The following CAMK2B variants were observed in gnomAD, a reference collection of about 807,000 sequenced individuals.
CAMK2B encodes the protein calcium/calmodulin dependent protein kinase II beta.
In CAMK2B, 27 loss-of-function variants were observed where a neutral mutation model predicts 93.7. The ratio of observed to expected loss-of-function variants is 0.29; its 90% confidence interval spans 0.21 to 0.40. The LOEUF (loss-of-function observed/expected upper bound fraction) is 0.40, where lower values mean the gene tolerates loss of function less well. Among genes scored for constraint, CAMK2B ranks in the 10% least tolerant of loss-of-function variants. The pLI is 1.00. For missense variants in CAMK2B, 568 were observed against 895.8 expected (o/e 0.63, Z 4.67); for synonymous variants, 374 against 358.8 (o/e 1.04, Z -0.48).
rs2096553979 is a variant in CAMK2B, at chr7:44,229,242, C to G, written c.1339+146G>C. The G allele has an allele frequency of 1.4e-5, 9 of 635,778 alleles. No homozygotes were observed. In the South Asian group the frequency reaches 1.8e-4, roughly 13 times the overall value. The allele number at this position is 635,778 out of a possible 1,614,324, so 39.4% of individuals were successfully genotyped here. On this transcript the variant is annotated intron_variant, in intron 18 of 23. Coordinates refer to ENST00000395749, the MANE Select transcript of CAMK2B (RefSeq NM_001220.5). ...TGGGGCTCGATGGGCTGGGGCCACC[C>G]TGGAAAGCCCCAGTGAGGGATTGTG...
chr7:44,318,234 C>T (rs1479346142), intron 1 of CAMK2B, among the ~76,000 whole-genome samples: 5 of 152,258 alleles, frequency 3.3e-5, no homozygotes, highest in Non-Finnish European at 7.3e-5. Flanking sequence ...CTCTTGGAGT[C>T]AAGCTCCATG....
intron 1 of CAMK2B, among the ~76,000 whole-genome samples, chr7:44,321,469 C>T (rs1406042668): frequency 6.6e-6 from 1 of 152,162 alleles, no homozygotes; most frequent in Admixed American, 6.5e-5. Context: ...AGGGGCCATT[C>T]TTGCTGCCTG....
chr7:44,282,671 A>G (rs2097111674), intron 2 of CAMK2B, among the ~76,000 whole-genome samples: 1 of 152,234 alleles, frequency 6.6e-6, no homozygotes, highest in African/African-American at 2.4e-5. Context: ...AAGGGGAAAC[A>G]CTGATGGCCT....
intron 2 of CAMK2B, among the ~76,000 whole-genome samples, chr7:44,272,188 G>C (rs764510881): frequency 6.6e-6 from 1 of 152,186 alleles, no homozygotes; most frequent in Non-Finnish European, 1.5e-5. Context: ...GAATTGGGGG[G>C]GTGGGCAGCG....
At chr7:44,269,008 G>A (rs2096946450) in intron 2 of CAMK2B, among the ~76,000 whole-genome samples, 1 of 152,206 alleles carries the variant, frequency 6.6e-6, no homozygotes, top group Admixed American at 6.5e-5. Context: ...CTCCCCTCCT[G>A]CCACGCCACC....
chr7:44,249,473 G>C (rs2096759854), intron 5 of CAMK2B, among the ~76,000 whole-genome samples: 1 of 152,200 alleles, frequency 6.6e-6, no homozygotes. Context: ...CGGTAGCAGT[G>C]CTGACCAGAT....
Position 44,286,968 on chromosome 7 carries a change from G to A in CAMK2B, c.66-2743C>T, listed in dbSNP as rs1184515656. 6.6e-6 allele frequency among the ~76,000 whole-genome samples: 1 copy of A among 152,180 alleles called. No homozygotes were observed. Among genetic ancestry groups the A allele is most frequent in the Non-Finnish European group, 1.5e-5 (1 of 68,014 alleles). On this transcript the variant is annotated intron_variant, in intron 1 of 23. Coordinates refer to ENST00000395749, the MANE Select transcript of CAMK2B (RefSeq NM_001220.5). This position sits in a 1 kb window ranked among gnomAD's most constrained non-coding sequence, Gnocchi z 4.0. ...CAGCAGGAAGGGACCAGGGGTGCAG[G>A]GACCAGGGGTGCAGGGCCCGGGGGT... is the stretch of plus-strand genomic sequence containing the variant.
chr7:44,223,986 A>G (rs1036077652), intron 20 of CAMK2B, among the ~76,000 whole-genome samples: 1 of 152,272 alleles, frequency 6.6e-6, no homozygotes, highest in Non-Finnish European at 1.5e-5. Flanking sequence ...CTTTGGTTCT[A>G]TAGTCACCTT....
At chr7:44,263,799 ACT>A (rs996295301) in intron 2 of CAMK2B, 1 of 154,144 alleles carries the variant, frequency 6.5e-6, no homozygotes, top group African/African-American at 2.4e-5. Context: ...CCACACTTCC[ACT>A]GACAGAGGGA....
chr7:44,241,906 A>C, intron 10 of CAMK2B, 123 bp from the exon 11 acceptor site: 1 of 778,426 alleles, frequency 1.3e-6, no homozygotes, highest in Non-Finnish European at 2.1e-6. Context: ...CCATTGCGGC[A>C]AGGGTTGTCT....
chr7:44,321,775 A>G (rs950414260), intron 1 of CAMK2B, among the ~76,000 whole-genome samples: 3 of 152,196 alleles, frequency 2.0e-5, no homozygotes, highest in South Asian at 2.1e-4. Context: ...CACGAGGCTG[A>G]ATACAAAATG....
intron 12 of CAMK2B, among the ~76,000 whole-genome samples, chr7:44,240,085 C>T (rs1249650410): frequency 2.0e-5 from 3 of 152,074 alleles, no homozygotes; most frequent in East Asian, 1.9e-4. Flanking sequence ...GAGTGTCGGA[C>T]GACGGAGAAG....
chr7:44,275,749 C>A (rs1036729812), intron 2 of CAMK2B, among the ~76,000 whole-genome samples: 7 of 152,178 alleles, frequency 4.6e-5, no homozygotes, highest in African/African-American at 1.7e-4. Context: ...TCCTAGGTGG[C>A]CCTCCCCCTG....
At chr7:44,273,102 C>G (rs1400793845) in intron 2 of CAMK2B, among the ~76,000 whole-genome samples, 3 of 152,234 alleles carry the variant, frequency 2.0e-5, no homozygotes, top group Non-Finnish European at 4.4e-5. Flanking sequence ...AGCGTCCTCC[C>G]CACAAGGACT....
chr7:44,255,616 A>G (rs1302454984), intron 4 of CAMK2B, among the ~76,000 whole-genome samples: 2 of 152,100 alleles, frequency 1.3e-5, no homozygotes. Context: ...TGCACTGCCC[A>G]GGTGCTGTGG....
chr7:44,302,706 T>C (rs1790407333), intron 1 of CAMK2B, among the ~76,000 whole-genome samples: 1 of 152,146 alleles, frequency 6.6e-6, no homozygotes, highest in Non-Finnish European at 1.5e-5. Context: ...AATCCAACAC[T>C]GTTTCATGAT....
Position 44,311,421 on chromosome 7 carries a change from C to A in CAMK2B, c.65+13936G>T, listed in dbSNP as rs966982022. On this transcript the variant is annotated intron_variant, in intron 1 of 23. Coordinates refer to ENST00000395749, the MANE Select transcript of CAMK2B (RefSeq NM_001220.5). The surrounding 1 kb of genome is among the most constrained non-coding windows in gnomAD (Gnocchi z 4.2). ...ACTCCTTTATCACCATGTGGCAAAT[C>A]AAATTCTTAACCTCTAGTAACAAAC... Among the ~76,000 whole-genome samples the A allele has an allele frequency of 2.1e-4, 32 of 152,224 alleles. No homozygotes were observed. The highest frequency in any genetic ancestry group is 7.2e-4 in the African/African-American group (30 of 41,464).
rs1785294896 is a variant in CAMK2B, at chr7:44,286,943, C to T, written c.66-2718G>A. Reference sequence around the variant, plus strand: ...CAGTGCCAGGCACCCAGCAGACACTCAGCAGGAAGGGACCAGGGGTGCAGG... The same window carrying T: ...CAGTGCCAGGCACCCAGCAGACACTTAGCAGGAAGGGACCAGGGGTGCAGG... On this transcript the variant is annotated intron_variant, in intron 1 of 23. Transcript: ENST00000395749. This position sits in a 1 kb window ranked among gnomAD's most constrained non-coding sequence, Gnocchi z 4.0. Among the ~76,000 whole-genome samples, 1 of 152,158 alleles carries T rather than the reference C, an allele frequency of 6.6e-6. No individual in the cohort carries two copies. The highest frequency in any genetic ancestry group is 6.5e-5 in the Admixed American group (1 of 15,286).
rs933852329 is a variant in CAMK2B, at chr7:44,217,194, A to T, written c.*2331T>A. The T allele has an allele frequency of 6.6e-6, 1 of 152,664 alleles. No homozygotes were observed. Among genetic ancestry groups the T allele is most frequent in the Non-Finnish European group, 1.5e-5 (1 of 68,056 alleles). 9.5% of individuals were successfully genotyped at this position (152,664 alleles called of 1,614,324 possible). A position where few individuals can be genotyped will look rare whatever the true frequency, so the allele number is the denominator to read the frequency against. On this transcript the variant is annotated 3_prime_UTR_variant, in exon 24 of 24. Coordinates refer to ENST00000395749, the MANE Select transcript of CAMK2B (RefSeq NM_001220.5). ...TTTTATTTGCAGTTTCCCGAGACAG[A>T]ACAAAATAAGAATAATTTTTGTACA...
Sources: gnomAD v4.1 joint callset for allele counts (sites outside exome capture counted in the v4.1 genomes callset) on GRCh38, gnomAD v4.1.1 for gene constraint, Gnocchi (gnomAD v3.1) non-coding constraint, MANE v1.5 for transcripts, NCBI Gene and HGNC (gene_info 2026-07-23, HGNC 2026-07-21) for gene names.